Variants in L3MBTL3 observed in about 807,000 individuals in gnomAD.
L3MBTL3 encodes the protein L3MBTL histone methyl-lysine binding protein 3, also known as lethal(3)malignant brain tumor-like protein 3.
In L3MBTL3, 27 loss-of-function variants were observed where a neutral mutation model predicts 102.3. That is an observed-to-expected ratio of 0.26 (90% CI 0.19 to 0.36). The LOEUF (loss-of-function observed/expected upper bound fraction) is 0.36, where lower values mean the gene tolerates loss of function less well. L3MBTL3 is among the 10% of genes least tolerant of loss of function. L3MBTL3 has a pLI of 1.00. For missense variants in L3MBTL3, 798 were observed against 955.3 expected, an observed-to-expected ratio of 0.84 and a Z score of 2.17; for synonymous variants, 340 against 320.9, an observed-to-expected ratio of 1.06 and a Z score of -0.64.
intron 22 of L3MBTL3, among the ~76,000 whole-genome samples, chr6:130,135,070 C>CTTTTTTTTTTT (rs5880000): frequency 1.6e-5 from 2 of 127,418 alleles, no homozygotes; most frequent in African/African-American, 6.0e-5. Context: ...CTGTTTTTTC[C>CTTTTTTTTTTT]TTTTTTTTTT....
In L3MBTL3 at chr6:130,102,324, A is replaced by G. The variant is rs1043705316; in HGVS notation, c.1737-2102A>G. ...CTCTTGAACAACTTTTCTTTCTTCAATTTTGTCCCATTGGAATCTTCTCTG... is the reference window on the plus strand; with the variant it reads ...CTCTTGAACAACTTTTCTTTCTTCAGTTTTGTCCCATTGGAATCTTCTCTG... On this transcript the variant is annotated intron_variant, in intron 18 of 22. Coordinates refer to ENST00000361794, the MANE Select transcript of L3MBTL3 (RefSeq NM_032438.4). Among the ~76,000 whole-genome samples, 3 of 152,230 alleles carry G rather than the reference A, an allele frequency of 2.0e-5. No homozygotes were observed. In the East Asian group the frequency reaches 5.8e-4, roughly 29 times the overall value.
intron 20 of L3MBTL3, among the ~76,000 whole-genome samples, chr6:130,127,590 A>G (rs1786699072): frequency 6.6e-6 from 1 of 152,090 alleles, no homozygotes; most frequent in Middle Eastern, 3.4e-3. Flanking sequence ...CTAAGAATCA[A>G]CATTTAAAAA....
At chr6:130,081,583 T>TC (rs1783354608) in intron 14 of L3MBTL3, among the ~76,000 whole-genome samples, 1 of 100,090 alleles carries the variant, frequency 1.0e-5, no homozygotes, top group South Asian at 2.6e-4. Flanking sequence ...CACACCTGGC[T>TC]ATTTTTTTTT....
intron 19 of L3MBTL3, 125 bp downstream of exon 19, chr6:130,104,700 T>A: frequency 1.7e-6 from 1 of 604,992 alleles, no homozygotes; most frequent in Non-Finnish European, 2.5e-6. Flanking sequence ...ACACCTGACT[T>A]AATGTGAAAT....
At chr6:130,117,106 A>G (rs867885593) in intron 19 of L3MBTL3, among the ~76,000 whole-genome samples, 87 of 121,370 alleles carry the variant, frequency 7.2e-4, no homozygotes, top group African/African-American at 2.5e-3. Flanking sequence ...ATATCTCCCA[A>G]TGCTATCCCT....
intron 16 of L3MBTL3, among the ~76,000 whole-genome samples, chr6:130,092,458 A>G (rs1784117060): frequency 6.6e-6 from 1 of 151,896 alleles, no homozygotes; most frequent in African/African-American, 2.4e-5. Context: ...TCCTGTTCTC[A>G]TGTTGCTCAT....
chr6:130,114,154 A>T (rs544292958), intron 19 of L3MBTL3, among the ~76,000 whole-genome samples: 1 of 152,316 alleles, frequency 6.6e-6, no homozygotes, highest in East Asian at 1.9e-4. Context: ...ACTTGAGTTA[A>T]ATCTGTGTAG....
At chr6:130,022,374 C>T (rs1779070480) in intron 2 of L3MBTL3, 69 bp downstream of exon 2, 1 of 152,164 alleles carries the variant, frequency 6.6e-6, no homozygotes, top group South Asian at 2.1e-4. Flanking sequence ...ATTTGGAGAT[C>T]AGGAAGGAGA....
intron 1 of L3MBTL3, among the ~76,000 whole-genome samples, chr6:130,018,995 GAGAA>G (rs1183644963): frequency 6.6e-6 from 1 of 151,614 alleles, no homozygotes; most frequent in South Asian, 2.1e-4. Context: ...AGAGAGAAAA[GAGAA>G]AGGAAAAAAT....
chr6:130,042,714 C>T lies in L3MBTL3; in HGVS notation c.15C>T (p.Ala5=). The T allele has an allele frequency of 1.2e-6, 2 of 1,612,350 alleles. No individual in the cohort carries two copies. The highest frequency in any genetic ancestry group is 1.7e-6 in the Non-Finnish European group (2 of 1,178,602). Residue 5 remains alanine, a synonymous_variant, in exon 3 of 23, where the codon GCC becomes GCT. Coordinates refer to ENST00000361794, the MANE Select transcript of L3MBTL3 (RefSeq NM_032438.4). MTES[A]SSTSGQEFDV... ...AAAAATAAATCATGACTGAATCTGC[C>T]TCTAGCACAAGTGGTCAAGAGTTTG... is the stretch of plus-strand genomic sequence containing the variant.
intron 16 of L3MBTL3, 61 bp downstream of exon 16, chr6:130,086,311 C>A: frequency 8.8e-7 from 1 of 1,130,844 alleles, no homozygotes; most frequent in Non-Finnish European, 1.3e-6. Flanking sequence ...TAGATAAAAA[C>A]TTTGGTAGAT....
At chr6:130,021,539 T>A (rs1322707758) in intron 1 of L3MBTL3, among the ~76,000 whole-genome samples, 1 of 152,254 alleles carries the variant, frequency 6.6e-6, no homozygotes, top group East Asian at 1.9e-4. Context: ...TGTCTGTACC[T>A]CTGATCAATT....
chr6:130,037,742 A>G (rs895592985), intron 2 of L3MBTL3, among the ~76,000 whole-genome samples: 1 of 152,124 alleles, frequency 6.6e-6, no homozygotes, highest in African/African-American at 2.4e-5. Flanking sequence ...TAATTGGGAT[A>G]TCCTTCACTT....
At chr6:130,090,369 G>A (rs1229467652) in intron 16 of L3MBTL3, among the ~76,000 whole-genome samples, 1 of 152,052 alleles carries the variant, frequency 6.6e-6, no homozygotes, top group Admixed American at 6.6e-5. Flanking sequence ...TTAAGTGCTC[G>A]ACTGTTATTA....
intron 3 of L3MBTL3, among the ~76,000 whole-genome samples, chr6:130,044,655 C>G (rs1220290791): frequency 6.6e-6 from 1 of 152,078 alleles, no homozygotes; most frequent in Admixed American, 6.6e-5. Flanking sequence ...GTATCCAATT[C>G]ATGTGCTGTA....
At chr6:130,136,479 ACTT>A (rs369506606) in intron 22 of L3MBTL3, among the ~76,000 whole-genome samples, 9 of 152,042 alleles carry the variant, frequency 5.9e-5, no homozygotes, top group African/African-American at 1.7e-4. Flanking sequence ...CATGTGGCTC[ACTT>A]CTTCTGCTCA....
intron 13 of L3MBTL3, among the ~76,000 whole-genome samples, chr6:130,076,893 A>C (rs1782988898): frequency 6.6e-6 from 1 of 152,152 alleles, no homozygotes; most frequent in Non-Finnish European, 1.5e-5. Flanking sequence ...GGCGACTTTG[A>C]TCAATATCTA....
chr6:130,071,410 C>T (rs1782634905), intron 13 of L3MBTL3, among the ~76,000 whole-genome samples: 1 of 152,064 alleles, frequency 6.6e-6, no homozygotes, highest in Non-Finnish European at 1.5e-5. Context: ...TTTAATCTTC[C>T]CTTCTTATTT....
At chr6:130,086,286 T>G in intron 16 of L3MBTL3, 36 bp downstream of exon 16, 1 of 1,352,110 alleles carries the variant, frequency 7.4e-7, no homozygotes, top group Non-Finnish European at 1.0e-6. Context: ...CTTTGTCTTT[T>G]GTTATAAGAT....
Sources: gnomAD v4.1 joint callset for allele counts (sites outside exome capture counted in the v4.1 genomes callset) on GRCh38, gnomAD v4.1.1 for gene constraint, MANE v1.5 for transcripts, NCBI Gene and HGNC (gene_info 2026-07-23, HGNC 2026-07-21) for gene names.